The following ST7L variants were observed in gnomAD, a reference collection of about 807,000 sequenced individuals.
ST7L encodes the protein suppressor of tumorigenicity 7 protein-like.
ST7L carries 57 observed loss-of-function variants against 72.5 expected under a neutral mutation model. That is an observed-to-expected ratio of 0.79 (90% CI 0.64 to 0.98). The LOEUF (loss-of-function observed/expected upper bound fraction) is 0.98, where lower values mean the gene tolerates loss of function less well. Among genes scored for constraint, ST7L ranks in the 50% least tolerant of loss-of-function variants. The pLI is 0.00. For missense variants in ST7L, 576 were observed against 672.2 expected (o/e 0.86, Z 1.58); for synonymous variants, 221 against 240.9 (o/e 0.92, Z 0.77).
chr1:112,562,250 G>A (rs1416182499), intron 11 of ST7L, among the ~76,000 whole-genome samples: 1 of 152,164 alleles, frequency 6.6e-6, no homozygotes, highest in Non-Finnish European at 1.5e-5. Context: ...TTACAGGTGT[G>A]AGCCACTGTG....
intron 14 of ST7L, among the ~76,000 whole-genome samples, chr1:112,536,098 C>G (rs1252582640): frequency 6.6e-6 from 1 of 152,088 alleles, no homozygotes; most frequent in Non-Finnish European, 1.5e-5. Flanking sequence ...AGATTTATAA[C>G]TGTGGAAATA....
intron 12 of ST7L, among the ~76,000 whole-genome samples, chr1:112,553,267 A>T (rs1658545398): frequency 6.9e-6 from 1 of 145,228 alleles, no homozygotes; most frequent in Admixed American, 6.9e-5. Flanking sequence ...CACATATTAG[A>T]GAGAATCTTG....
Position 112,619,025 on chromosome 1 carries a change from C to A in ST7L, c.89G>T (p.Arg30Met), listed in dbSNP as rs753129509. 10 of 1,613,902 alleles carry A rather than the reference C, an allele frequency of 6.2e-6. No individual in the cohort carries two copies. The Middle Eastern group carries it at 4.9e-4, about 80-fold the overall frequency. Residue 30 changes from arginine to methionine, a missense_variant, in exon 1 of 15, where the codon AGG becomes ATG. By Grantham distance (91) the Arg-to-Met change is moderately conservative. Transcript: ENST00000358039. ...VPGLNPTLGW[R>M]ERLRAGLAGT... ...CGCCAGCCCGGCCCGCAGTCGCTCC[C>A]TCCAGCCTAGCGTCGGGTTTAGGCC...
chr1:112,561,987 G>A (rs1386009577), intron 11 of ST7L, among the ~76,000 whole-genome samples: 1 of 140,484 alleles, frequency 7.1e-6, no homozygotes, highest in Admixed American at 7.4e-5. Flanking sequence ...TTTTTTTTGA[G>A]ACAGGGACTC....
At chr1:112,519,876 T>C (rs1049539562), downstream of ST7L, among the ~76,000 whole-genome samples, 48 of 147,404 alleles carry the variant, frequency 3.3e-4, 2 homozygotes, top group South Asian at 1.0e-2. Flanking sequence ...ATGCTTCTTT[T>C]TTTTTTTTTT....
intron 9 of ST7L, 127 bp downstream of exon 9, chr1:112,581,865 C>A (rs1664176676): frequency 2.9e-6 from 2 of 690,930 alleles, no homozygotes; most frequent in Non-Finnish European, 4.9e-6. Flanking sequence ...TAAATAGCAA[C>A]CTCTGAGTGC....
At chr1:112,605,777 T>C (rs1668151998) in intron 3 of ST7L, among the ~76,000 whole-genome samples, 1 of 152,096 alleles carries the variant, frequency 6.6e-6, no homozygotes, top group African/African-American at 2.4e-5. Flanking sequence ...GTCACCCCCA[T>C]ATCTCTGTGG....
rs56216561 is a variant in ST7L at position 112,617,717 on chromosome 1, TCACACACACACA to T, written c.206-834_206-823del. 4.7e-3 allele frequency among the ~76,000 whole-genome samples: 595 copies of T among 126,484 alleles called. 4 individuals are homozygous for T. Among genetic ancestry groups the T allele is most frequent in the African/African-American group, 0.024 (571 of 24,166 alleles). 83.0% of individuals were successfully genotyped at this position (126,484 alleles called of 152,430 possible). ...GAGACTCTGTCTGTCTTTCTCTCTC[TCACACACACACA>T]CACACACACACACACACACACACAC... On this transcript the variant is annotated intron_variant, in intron 1 of 14. Coordinates refer to ENST00000358039, the MANE Select transcript of ST7L (RefSeq NM_017744.5).
intron 6 of ST7L, among the ~76,000 whole-genome samples, chr1:112,587,994 A>G (rs561017666): frequency 7.9e-5 from 12 of 152,346 alleles, no homozygotes; most frequent in South Asian, 4.1e-4. Flanking sequence ...TATAGTTTTC[A>G]GCATCCAAGT....
At chr1:112,591,738 T>TA (rs553450649) in intron 5 of ST7L, 135 bp from the exon 6 acceptor site, 55 of 505,716 alleles carry the variant, frequency 1.1e-4, no homozygotes, top group African/African-American at 9.6e-4. Context: ...ACTAGGTTAT[T>TA]AGTTCACATT....
intron 12 of ST7L, among the ~76,000 whole-genome samples, chr1:112,555,480 G>A (rs559151856): frequency 1.2e-3 from 178 of 152,194 alleles, no homozygotes; most frequent in African/African-American, 4.0e-3. Context: ...CAGGAGAACG[G>A]CATGAACCCA....
intron 11 of ST7L, among the ~76,000 whole-genome samples, chr1:112,567,554 G>A (rs1247920004): frequency 1.3e-5 from 2 of 152,102 alleles, no homozygotes; most frequent in African/African-American, 2.4e-5. Flanking sequence ...AGTCTTAGAT[G>A]TTTTGGTCTA....
chr1:112,527,620 G>C (rs1243345846), intron 14 of ST7L: 1 of 152,634 alleles, frequency 6.6e-6, no homozygotes, highest in Non-Finnish European at 1.5e-5. Flanking sequence ...CAGCTTCATA[G>C]GTCTTGTGTA....
At chr1:112,580,048 T>C (rs1359016426) in intron 9 of ST7L, among the ~76,000 whole-genome samples, 1 of 152,230 alleles carries the variant, frequency 6.6e-6, no homozygotes, top group Admixed American at 6.5e-5. Context: ...GAAGTAAACT[T>C]CTCTTTCCAA....
At chr1:112,559,771 G>A (rs1659795588) in intron 11 of ST7L, among the ~76,000 whole-genome samples, 1 of 151,812 alleles carries the variant, frequency 6.6e-6, no homozygotes, top group South Asian at 2.1e-4. Flanking sequence ...ACGAGGTCAG[G>A]AGTTCAAGAC....
At chr1:112,593,994 G>A (rs1033087412) in intron 5 of ST7L, among the ~76,000 whole-genome samples, 11 of 152,082 alleles carry the variant, frequency 7.2e-5, no homozygotes, top group African/African-American at 2.4e-4. Context: ...ACCTTTAGCT[G>A]GGGTTAGACA....
intron 3 of ST7L, among the ~76,000 whole-genome samples, chr1:112,601,858 C>T (rs1667441629): frequency 1.3e-5 from 2 of 151,922 alleles, no homozygotes; most frequent in African/African-American, 2.4e-5. Context: ...GTGGGCAGAT[C>T]ACCTAAGGTC....
At chr1:112,548,354 C>T (rs1027219736) in intron 13 of ST7L, among the ~76,000 whole-genome samples, 3 of 152,020 alleles carry the variant, frequency 2.0e-5, no homozygotes, top group Non-Finnish European at 2.9e-5. Context: ...ACGGAAACTC[C>T]ATCTCAAAAA....
At chr1:112,576,955 A>G in intron 11 of ST7L, 31 bp downstream of exon 11, 1 of 1,468,776 alleles carries the variant, frequency 6.8e-7, no homozygotes, top group Non-Finnish European at 9.4e-7. Flanking sequence ...AACTTAAATA[A>G]AGGTAGTATT....
Sources: allele counts gnomAD v4.1 joint callset (sites outside exome capture counted in the v4.1 genomes callset), GRCh38; gene constraint gnomAD v4.1.1; transcripts MANE v1.5; gene names NCBI Gene and HGNC (gene_info 2026-07-23, HGNC 2026-07-21).